SEMA5A: variants seen among roughly 807,000 people sequenced by gnomAD.
SEMA5A encodes semaphorin-5A.
A neutral mutation model predicts 135.5 loss-of-function variants in SEMA5A; 55 were observed. That is an observed-to-expected ratio of 0.41 (90% confidence interval 0.33 to 0.51). The LOEUF is 0.51. Ranked by LOEUF, SEMA5A falls within the 20% of genes least tolerant of loss-of-function variation. The pLI, the probability that SEMA5A is intolerant of heterozygous loss-of-function variation, is 0.37. For missense variants in SEMA5A, 1,290 were observed against 1,419.9 expected (o/e 0.91, Z 1.47); for synonymous variants, 580 against 546.5 (o/e 1.06, Z -0.85).
intron 18 of SEMA5A, among the ~76,000 whole-genome samples, chr5:9,061,699 C>T (rs758677128): frequency 5.3e-5 from 8 of 151,986 alleles, no homozygotes; most frequent in African/African-American, 1.5e-4. Context: ...GGGGCTCTTT[C>T]GGCTCATTTT....
chr5:9,409,306 A>G (rs1757016969), intron 2 of SEMA5A, among the ~76,000 whole-genome samples: 1 of 152,244 alleles, frequency 6.6e-6, no homozygotes, highest in Admixed American at 6.5e-5. Context: ...AGAGTCTAAT[A>G]TCGCACAGTG....
At chr5:9,535,635 G>A (rs73740663) in intron 1 of SEMA5A, among the ~76,000 whole-genome samples, 3,523 of 152,218 alleles carry the variant, frequency 0.023, 137 homozygotes, top group African/African-American at 0.081. Context: ...CAACCACCTG[G>A]GTTGGGTTCA....
chr5:9,497,303 C>T (rs1735351751), intron 1 of SEMA5A, among the ~76,000 whole-genome samples: 1 of 152,156 alleles, frequency 6.6e-6, no homozygotes, highest in Non-Finnish European at 1.5e-5. Flanking sequence ...AATGTATGCA[C>T]AAGTATCTTT....
intron 1 of SEMA5A, among the ~76,000 whole-genome samples, chr5:9,476,124 T>G (rs1286604680): frequency 6.6e-6 from 1 of 152,226 alleles, no homozygotes; most frequent in Admixed American, 6.5e-5. Flanking sequence ...GTAAAGGCCG[T>G]ACATTACTCT....
Position 9,041,042 on chromosome 5 carries a change from G to A in SEMA5A, c.*1855C>T, listed in dbSNP as rs1735939260. 1 of 152,162 alleles carries A rather than the reference G, an allele frequency of 6.6e-6. No homozygotes were observed. The highest frequency in any genetic ancestry group is 2.1e-4 in the South Asian group (1 of 4,824). The allele number at this position is 152,162 out of a possible 1,614,324, so 9.4% of individuals were successfully genotyped here. A position where few individuals can be genotyped will look rare whatever the true frequency, so the allele number is the denominator to read the frequency against. On this transcript the variant is annotated 3_prime_UTR_variant, in exon 23 of 23. Transcript: ENST00000382496. ...TAGACAGAAGACTCTGACATATGAG[G>A]AATGAGTGAGAGGCAACATGAAGTC...
chr5:9,198,311 C>T (rs1340725915), intron 9 of SEMA5A, among the ~76,000 whole-genome samples: 1 of 152,046 alleles, frequency 6.6e-6, no homozygotes, highest in Non-Finnish European at 1.5e-5. Context: ...TCATTTAATC[C>T]TCATAAGGTG....
chr5:9,529,256 C>G (rs553788459), intron 1 of SEMA5A, among the ~76,000 whole-genome samples: 12 of 152,370 alleles, frequency 7.9e-5, no homozygotes, highest in Admixed American at 3.9e-4. Flanking sequence ...AGCTTTGCCT[C>G]TCACCATTTC....
At chr5:9,057,890 T>C (rs905893367) in intron 18 of SEMA5A, among the ~76,000 whole-genome samples, 8 of 152,218 alleles carry the variant, frequency 5.3e-5, no homozygotes, top group Admixed American at 1.3e-4. Context: ...GGAGCCATAA[T>C]GTAGGATATT....
At chr5:9,538,598 G>A (rs957885493) in intron 1 of SEMA5A, among the ~76,000 whole-genome samples, 3 of 152,230 alleles carry the variant, frequency 2.0e-5, no homozygotes, top group African/African-American at 4.8e-5. Flanking sequence ...TGGCAGAGAA[G>A]CATACTCTAA....
At chr5:9,488,403 C>G (rs1048448695) in intron 1 of SEMA5A, among the ~76,000 whole-genome samples, 3 of 152,196 alleles carry the variant, frequency 2.0e-5, no homozygotes, top group Non-Finnish European at 4.4e-5. Context: ...ACTCCAGATG[C>G]AAAATATGCT....
At chr5:9,093,288 C>T (rs1739134739) in intron 16 of SEMA5A, among the ~76,000 whole-genome samples, 3 of 152,216 alleles carry the variant, frequency 2.0e-5, no homozygotes, top group South Asian at 4.2e-4. Context: ...GCTTTCTTCC[C>T]TGTAAGAAAA....
chr5:9,232,525 G>A (rs547631307), intron 6 of SEMA5A, among the ~76,000 whole-genome samples: 14 of 152,080 alleles, frequency 9.2e-5, no homozygotes, highest in Admixed American at 3.9e-4. Flanking sequence ...TATAAAGGTT[G>A]TATCTATATA....
chr5:9,313,936 T>C (rs1306561133), intron 5 of SEMA5A, among the ~76,000 whole-genome samples: 1 of 152,130 alleles, frequency 6.6e-6, no homozygotes, highest in African/African-American at 2.4e-5. Context: ...TCACAGGTAA[T>C]GCAAACTGCC....
rs779793971 is a variant in SEMA5A at position 9,408,006 on chromosome 5, C to CACTACCAACACCACA, written c.-77-27998_-77-27984dup. Among the ~76,000 whole-genome samples the CACTACCAACACCACA allele has an allele frequency of 4.6e-3, 701 of 151,222 alleles. 3 individuals are homozygous for CACTACCAACACCACA. The highest frequency in any genetic ancestry group is 8.4e-3 in the Non-Finnish European group (569 of 67,912). ...TCACTACTACTGCCATCATCACCAT[C>CACTACCAACACCACA]ACTACCAACACCACAACTACCACCA... is the stretch of plus-strand genomic sequence containing the variant. On this transcript the variant is annotated intron_variant, in intron 2 of 22. Transcript: ENST00000382496.
At chr5:9,440,416 C>A (rs1368134946) in intron 1 of SEMA5A, among the ~76,000 whole-genome samples, 1 of 152,128 alleles carries the variant, frequency 6.6e-6, no homozygotes, top group Admixed American at 6.5e-5. Context: ...ATATAAATTT[C>A]TCTATTTGAC....
chr5:9,450,125 C>G (rs1216518688), intron 1 of SEMA5A, among the ~76,000 whole-genome samples: 1 of 152,140 alleles, frequency 6.6e-6, no homozygotes, highest in East Asian at 1.9e-4. Context: ...ATACCAGGAT[C>G]CTTCTACAGA....
At position 9,286,441 on chromosome 5, in the gene SEMA5A, C is replaced by T. The variant is rs760838636; in HGVS notation, c.270+31931G>A. On this transcript the variant is annotated intron_variant, in intron 5 of 22. Transcript: ENST00000382496. ...CCTCCGTACTCTTTTTTCTATCTCC[C>T]GGACCATATTAATAAGGTTCAGCAA... is the stretch of plus-strand genomic sequence containing the variant. Among the ~76,000 whole-genome samples the T allele has an allele frequency of 5.9e-5, 9 of 152,088 alleles. No individual in the cohort carries two copies. In the East Asian group the frequency reaches 7.8e-4, roughly 13 times the overall value.
intron 5 of SEMA5A, among the ~76,000 whole-genome samples, chr5:9,249,792 T>C (rs375196759): frequency 1.3e-5 from 2 of 152,202 alleles, no homozygotes; most frequent in East Asian, 1.9e-4. Context: ...CTTGAAGCAA[T>C]TGACCAGTGA....
chr5:9,328,151 C>T (rs1752959474), intron 4 of SEMA5A, among the ~76,000 whole-genome samples: 1 of 152,124 alleles, frequency 6.6e-6, no homozygotes, highest in African/African-American at 2.4e-5. Context: ...ATGCTTCCCA[C>T]CAGCCAACCC....
Sources: gnomAD v4.1 joint callset for allele counts (sites outside exome capture counted in the v4.1 genomes callset) on GRCh38, gnomAD v4.1.1 for gene constraint, MANE v1.5 for transcripts, NCBI Gene and HGNC (gene_info 2026-07-23, HGNC 2026-07-21) for gene names.